Variants in EPC2 observed in about 807,000 individuals in gnomAD.
The protein encoded by EPC2 is enhancer of polycomb 2.
A neutral mutation model predicts 92.1 loss-of-function variants in EPC2; 14 were observed. The observed-to-expected ratio is 0.15, with a 90% confidence interval of 0.10 to 0.24. The LOEUF (loss-of-function observed/expected upper bound fraction) is 0.24, where lower values mean the gene tolerates loss of function less well. Among genes scored for constraint, EPC2 ranks in the 10% least tolerant of loss-of-function variants. The pLI is 1.00. For synonymous variants in EPC2, 340 were observed against 334.7 expected (o/e 1.02, Z -0.17); for missense variants, 755 against 971.5 (o/e 0.78, Z 2.96).
intron 1 of EPC2, 80 bp downstream of exon 1, chr2:148,645,250 C>T (rs2105346260): frequency 7.9e-7 from 1 of 1,268,464 alleles, no homozygotes; most frequent in African/African-American, 1.5e-5. Context: ...ATTCACAGAG[C>T]GCTTTACGCT....
intron 3 of EPC2, among the ~76,000 whole-genome samples, chr2:148,747,679 A>C (rs984378277): frequency 6.6e-6 from 1 of 152,112 alleles, no homozygotes. Context: ...TTCAACTTGT[A>C]TCCTACTTAA....
chr2:148,779,469 A>G (rs1683707493), intron 10 of EPC2, among the ~76,000 whole-genome samples: 1 of 152,056 alleles, frequency 6.6e-6, no homozygotes, highest in African/African-American at 2.4e-5. Flanking sequence ...TGTAGTTCCA[A>G]CTACTCAGGA....
chr2:148,741,947 C>T (rs962551308), intron 2 of EPC2, among the ~76,000 whole-genome samples: 7 of 152,114 alleles, frequency 4.6e-5, no homozygotes, highest in Admixed American at 3.9e-4. Context: ...ATATATCCAA[C>T]CTTGTCCTTT....
chr2:148,777,867 A>G (rs1683675907), intron 10 of EPC2, among the ~76,000 whole-genome samples: 2 of 152,246 alleles, frequency 1.3e-5, no homozygotes, highest in African/African-American at 4.8e-5. Context: ...TCAGATTTGT[A>G]GAAGATAGCC....
chr2:148,710,065 A>G (rs1356065054), intron 2 of EPC2, among the ~76,000 whole-genome samples: 2 of 152,198 alleles, frequency 1.3e-5, no homozygotes, highest in Non-Finnish European at 2.9e-5. Context: ...CAGGCAACCT[A>G]CAGAATGGGA....
intron 2 of EPC2, among the ~76,000 whole-genome samples, chr2:148,711,033 T>G: frequency 6.6e-6 from 1 of 152,334 alleles, no homozygotes; most frequent in East Asian, 1.9e-4. Context: ...ATTGATCTTT[T>G]TAAATAATCA....
At chr2:148,645,818 C>T (rs998198268) in intron 1 of EPC2, among the ~76,000 whole-genome samples, 1 of 152,184 alleles carries the variant, frequency 6.6e-6, no homozygotes, top group Non-Finnish European at 1.5e-5. Context: ...GGCGGACGGG[C>T]TCTGCCTGCT....
intron 1 of EPC2, 181 bp downstream of exon 1, chr2:148,645,351 G>T (rs769829271): frequency 1.8e-6 from 1 of 569,848 alleles, no homozygotes; most frequent in South Asian, 2.1e-5. Context: ...GCCCGCCCGC[G>T]GCCGCCATGT....
chr2:148,712,138 G>A, intron 2 of EPC2, among the ~76,000 whole-genome samples: 1 of 151,984 alleles, frequency 6.6e-6, no homozygotes, highest in East Asian at 1.9e-4. Flanking sequence ...CTTGGTCTTT[G>A]TTTCTGGTTT....
At chr2:148,746,822 TACAC>T (rs34536465) in intron 3 of EPC2, among the ~76,000 whole-genome samples, 3 of 151,314 alleles carry the variant, frequency 2.0e-5, no homozygotes, top group Non-Finnish European at 4.4e-5. Context: ...AAAAATTGTA[TACAC>T]ACACACACAC....
At chr2:148,777,125 G>A (rs1233120512) in intron 10 of EPC2, among the ~76,000 whole-genome samples, 1 of 151,780 alleles carries the variant, frequency 6.6e-6, no homozygotes, top group South Asian at 2.1e-4. Context: ...CTCCCAAAGT[G>A]CTGGGATTAC....
intron 1 of EPC2, among the ~76,000 whole-genome samples, chr2:148,653,635 A>G (rs1680731493): frequency 6.6e-6 from 1 of 151,494 alleles, no homozygotes; most frequent in Non-Finnish European, 1.5e-5. Context: ...AAGTCAGAGG[A>G]ATGCAGACTG....
In EPC2 at chr2:148,782,959, C is replaced by T. The variant is rs189397715; in HGVS notation, c.1858-638C>T. Among the ~76,000 whole-genome samples, 16 of 152,162 alleles carry T rather than the reference C, an allele frequency of 1.1e-4. No individual in the cohort carries two copies. The East Asian group carries it at 3.1e-3, about 29-fold the overall frequency. On this transcript the variant is annotated intron_variant, in intron 11 of 13. Transcript: ENST00000258484. ...TAGAATCTGCCCATTGTAGTTCAGC[C>T]CATTCTCAAAGGGTCAGTACACTGA... is the stretch of plus-strand genomic sequence containing the variant.
chr2:148,759,231 T>C (rs1381588733), intron 4 of EPC2, among the ~76,000 whole-genome samples: 1 of 152,172 alleles, frequency 6.6e-6, no homozygotes, highest in Non-Finnish European at 1.5e-5. Flanking sequence ...TAGCTGGGAT[T>C]ACAGGCGCCC....
intron 2 of EPC2, among the ~76,000 whole-genome samples, chr2:148,727,604 T>G (rs1682524380): frequency 6.6e-6 from 1 of 152,242 alleles, no homozygotes; most frequent in South Asian, 2.1e-4. Flanking sequence ...ATTTTAATGT[T>G]AGTTTTTACT....
intron 2 of EPC2, among the ~76,000 whole-genome samples, chr2:148,713,802 A>G (rs777307088): frequency 1.3e-5 from 2 of 152,238 alleles, no homozygotes; most frequent in Non-Finnish European, 2.9e-5. Flanking sequence ...AGGCTACAGC[A>G]TATAGCATAG....
chr2:148,786,450 C>A lies in EPC2; in HGVS notation c.*73C>A. The stretch of plus-strand genomic sequence containing the variant: ...TATTCCAGCTGAATGCAAAAGGCAA[C>A]ACTCTGTGGATCACAGAGTGTAACA... On this transcript the variant is annotated 3_prime_UTR_variant, in exon 14 of 14. Transcript: ENST00000258484. 1 of 1,202,290 alleles carries A rather than the reference C, an allele frequency of 8.3e-7. No individual in the cohort carries two copies. Among genetic ancestry groups the A allele is most frequent in the Non-Finnish European group, 1.2e-6 (1 of 826,060 alleles). 74.5% of individuals were successfully genotyped at this position (1,202,290 alleles called of 1,614,324 possible).
intron 2 of EPC2, among the ~76,000 whole-genome samples, chr2:148,707,109 C>T (rs1053689707): frequency 4.6e-5 from 7 of 152,076 alleles, no homozygotes; most frequent in African/African-American, 7.2e-5. Context: ...ACCCATCTCA[C>T]GTGCAGAGAC....
chr2:148,662,262 T>C (rs1680952927), intron 1 of EPC2, among the ~76,000 whole-genome samples: 1 of 152,144 alleles, frequency 6.6e-6, no homozygotes, highest in Non-Finnish European at 1.5e-5. Flanking sequence ...AGTGTGGCGA[T>C]TCCTCAGGGA....
Sources: gnomAD v4.1 joint callset for allele counts (sites outside exome capture counted in the v4.1 genomes callset) on GRCh38, gnomAD v4.1.1 for gene constraint, MANE v1.5 for transcripts, NCBI Gene and HGNC (gene_info 2026-07-23, HGNC 2026-07-21) for gene names.